The following PRKAG2 variants were observed in gnomAD, a reference collection of about 807,000 sequenced individuals.
PRKAG2 encodes protein kinase AMP-activated non-catalytic subunit gamma 2, also known as 5'-AMP-activated protein kinase subunit gamma-2.
A neutral mutation model predicts 69.6 loss-of-function variants in PRKAG2; 26 were observed. The ratio of observed to expected loss-of-function variants is 0.37; its 90% confidence interval spans 0.27 to 0.52. PRKAG2 has a LOEUF of 0.52. Ranked by LOEUF, PRKAG2 falls within the 20% of genes least tolerant of loss-of-function variation. The pLI is 0.90. For synonymous variants in PRKAG2, 293 were observed against 285.0 expected (o/e 1.03, Z -0.28); for missense variants, 557 against 740.0 (o/e 0.75, Z 2.87).
At chr7:151,714,298 G>A (rs1013870433) in intron 3 of PRKAG2, among the ~76,000 whole-genome samples, 3 of 152,176 alleles carry the variant, frequency 2.0e-5, no homozygotes, top group Non-Finnish European at 4.4e-5. Flanking sequence ...AGGTATGGGG[G>A]AGGCGGCAGG....
chr7:151,666,492 G>A (rs560222652), intron 4 of PRKAG2, among the ~76,000 whole-genome samples: 6 of 152,330 alleles, frequency 3.9e-5, no homozygotes, highest in African/African-American at 1.4e-4. Flanking sequence ...GTGGTATTCT[G>A]TTATGATAGT....
At chr7:151,709,617 GAC>G (rs946794326) in intron 3 of PRKAG2, among the ~76,000 whole-genome samples, 45 of 152,152 alleles carry the variant, frequency 3.0e-4, no homozygotes, top group African/African-American at 1.0e-3. Context: ...AATGACGAGT[GAC>G]ACTGACACAT....
intron 2 of PRKAG2, among the ~76,000 whole-genome samples, chr7:151,782,652 G>A (rs1293699536): frequency 3.3e-5 from 5 of 152,246 alleles, no homozygotes; most frequent in Non-Finnish European, 4.4e-5. Context: ...CCGGTATTTG[G>A]CCCCTGCTCT....
At chr7:151,627,266 C>A (rs1341300325) in intron 5 of PRKAG2, among the ~76,000 whole-genome samples, 1 of 152,122 alleles carries the variant, frequency 6.6e-6, no homozygotes, top group African/African-American at 2.4e-5. Context: ...TTCCCTCCTA[C>A]GAAAAGTGGC....
chr7:151,605,140 C>T (rs952187162), intron 5 of PRKAG2, among the ~76,000 whole-genome samples: 2 of 152,018 alleles, frequency 1.3e-5, no homozygotes, highest in Admixed American at 6.5e-5. Flanking sequence ...CCTCAGCCTC[C>T]TGAGTAGCTT....
chr7:151,756,470 C>T lies in PRKAG2; in HGVS notation c.466+24682G>A, dbSNP rs925368948. Among the ~76,000 whole-genome samples, 3 of 152,226 alleles carry T rather than the reference C, an allele frequency of 2.0e-5. No homozygotes were observed. Among genetic ancestry groups the T allele is most frequent in the Non-Finnish European group, 4.4e-5 (3 of 68,042 alleles). On this transcript the variant is annotated intron_variant, in intron 3 of 15. Coordinates refer to ENST00000287878, the MANE Select transcript of PRKAG2 (RefSeq NM_016203.4). This position sits in a 1 kb window ranked among gnomAD's most constrained non-coding sequence, Gnocchi z 4.9. ...CGACTCAGTGGTGCCTCCAGGCGAG[C>T]GGGTACCTGCGCTGCTCTCATGCTC...
chr7:151,845,629 T>C (rs1586711167), intron 1 of PRKAG2, among the ~76,000 whole-genome samples: 1 of 152,088 alleles, frequency 6.6e-6, no homozygotes, highest in Admixed American at 6.5e-5. Context: ...GGAAAGGCGG[T>C]GGCTGCCGTT....
At chr7:151,569,481 A>T (rs1345654333) in intron 10 of PRKAG2, among the ~76,000 whole-genome samples, 1 of 152,280 alleles carries the variant, frequency 6.6e-6, no homozygotes, top group Non-Finnish European at 1.5e-5. Context: ...GTGAGTGGGC[A>T]AACTGGCTCT....
At chr7:151,786,067 CGCTGGTGG>C (rs1227363673) in intron 2 of PRKAG2, among the ~76,000 whole-genome samples, 2 of 152,186 alleles carry the variant, frequency 1.3e-5, no homozygotes, top group Non-Finnish European at 2.9e-5. Flanking sequence ...TGGGGGTGGG[CGCTGGTGG>C]GCAGCAGGGC....
At chr7:151,844,516 C>G (rs769013787) in intron 1 of PRKAG2, among the ~76,000 whole-genome samples, 2 of 152,146 alleles carry the variant, frequency 1.3e-5, no homozygotes, top group Non-Finnish European at 1.5e-5. Flanking sequence ...ATGAGAAGCC[C>G]TTCCCCATGA....
chr7:151,866,536 G>C (rs540129002), intron 1 of PRKAG2, among the ~76,000 whole-genome samples: 5 of 152,270 alleles, frequency 3.3e-5, no homozygotes, highest in African/African-American at 1.2e-4. Flanking sequence ...ACCCCAGATG[G>C]TATCTGATAC....
At chr7:151,728,365 T>A (rs1411677833) in intron 3 of PRKAG2, among the ~76,000 whole-genome samples, 1 of 152,164 alleles carries the variant, frequency 6.6e-6, no homozygotes, top group Non-Finnish European at 1.5e-5. Flanking sequence ...ATCTGGAAAT[T>A]GGAACCCCGG....
intron 5 of PRKAG2, among the ~76,000 whole-genome samples, chr7:151,620,676 C>T (rs7795122): frequency 0.023 from 3,497 of 152,110 alleles, 134 homozygotes; most frequent in African/African-American, 0.08. Flanking sequence ...ATGGGAGTCT[C>T]GCTATGTTGT....
In PRKAG2 at chr7:151,777,336, C is replaced by T. The variant is rs1177719250; in HGVS notation, c.466+3816G>A. 6.6e-6 allele frequency among the ~76,000 whole-genome samples: 1 copy of T among 152,224 alleles called. No individual in the cohort carries two copies. The highest frequency in any genetic ancestry group is 2.4e-5 in the African/African-American group (1 of 41,464). ...GAGGGGCTGGGAGTCTTGGATCCAC[C>T]TCTGATAGAGGTTGAGTGTTTCTTC... On this transcript the variant is annotated intron_variant, in intron 3 of 15. Transcript: ENST00000287878. This position sits in a 1 kb window ranked among gnomAD's most constrained non-coding sequence, Gnocchi z 4.3.
At chr7:151,712,731 G>A (rs1438404596) in intron 3 of PRKAG2, among the ~76,000 whole-genome samples, 1 of 152,236 alleles carries the variant, frequency 6.6e-6, no homozygotes, top group East Asian at 1.9e-4. Flanking sequence ...GTCACCCGGG[G>A]CCACGCTGTG....
At chr7:151,688,042 G>GCCCCCCCCCCCCCCCCCCCCCC (rs61417635) in intron 3 of PRKAG2, among the ~76,000 whole-genome samples, 2 of 106,980 alleles carry the variant, frequency 1.9e-5, no homozygotes, top group Admixed American at 9.4e-5. Flanking sequence ...AGGAAATGAG[G>GCCCCCCCCCCCCCCCCCCCCCC]CCCCCCCCCG....
intron 1 of PRKAG2, among the ~76,000 whole-genome samples, chr7:151,832,638 A>G (rs1255138961): frequency 6.7e-6 from 1 of 149,056 alleles, no homozygotes; most frequent in Non-Finnish European, 1.5e-5. Flanking sequence ...TCCCTTCCAC[A>G]GCGTGAGCCC....
chr7:151,704,028 C>T (rs1481167685), intron 3 of PRKAG2, among the ~76,000 whole-genome samples: 1 of 151,832 alleles, frequency 6.6e-6, no homozygotes, highest in Non-Finnish European at 1.5e-5. Flanking sequence ...CGCCATTGCA[C>T]TCCAGCCTGG....
chr7:151,611,691 C>T (rs570799687), intron 5 of PRKAG2, among the ~76,000 whole-genome samples: 3 of 152,228 alleles, frequency 2.0e-5, no homozygotes, highest in South Asian at 2.1e-4. Context: ...TTAGAAAAGA[C>T]GTTGGCGCAC....
Sources: gnomAD v4.1 joint callset for allele counts (sites outside exome capture counted in the v4.1 genomes callset) on GRCh38, gnomAD v4.1.1 for gene constraint, Gnocchi (gnomAD v3.1) non-coding constraint, MANE v1.5 for transcripts, NCBI Gene and HGNC (gene_info 2026-07-23, HGNC 2026-07-21) for gene names.